The following MYO18B variants were observed in gnomAD, a reference collection of about 807,000 sequenced individuals.
MYO18B encodes the protein unconventional myosin-XVIIIb.
A neutral mutation model predicts 273.0 loss-of-function variants in MYO18B; 204 were observed. The ratio of observed to expected loss-of-function variants is 0.75; its 90% confidence interval spans 0.67 to 0.84. MYO18B has a LOEUF of 0.84. MYO18B is among the 40% of genes least tolerant of loss of function. MYO18B has a pLI of 0.00. For synonymous variants in MYO18B, 1,330 were observed against 1,305.7 expected (o/e 1.02, Z -0.40); for missense variants, 3,212 against 3,287.6 (o/e 0.98, Z 0.56).
chr22:25,772,544 G>T (rs772840063), intron 7 of MYO18B, 34 bp downstream of exon 7: 5 of 1,595,976 alleles, frequency 3.1e-6, no homozygotes, highest in Non-Finnish European at 4.3e-6. Context: ...GGGCTGAGGG[G>T]CTGAGGGCAG....
Position 25,843,738 on chromosome 22 carries a change from C to T in MYO18B, c.3212C>T (p.Ser1071Phe), listed in dbSNP as rs973561962. The change falls in exon 18 of 44, where the codon TCC becomes TTC. Residue 1071 changes from serine to phenylalanine, a missense_variant. Physicochemically the swap from Ser to Phe is radical, Grantham distance 155 (BLOSUM62 -2). Transcript: ENST00000335473. ...FEKKGAGTEG[S>F]SALRTCEQPL... The stretch of plus-strand genomic sequence containing the variant: ...ATGCCACCATGTCTGTTTCCAGGGT[C>T]CTCTGCCCTGCGGACCTGTGAGCAG... The T allele has an allele frequency of 1.2e-6, 2 of 1,612,826 alleles. No individual in the cohort carries two copies. The highest frequency in any genetic ancestry group is 2.7e-5 in the African/African-American group (2 of 75,032).
chr22:25,808,258 C>T (rs754585492), intron 12 of MYO18B, among the ~76,000 whole-genome samples: 40 of 152,282 alleles, frequency 2.6e-4, no homozygotes, highest in Admixed American at 4.6e-4. Flanking sequence ...CAGGAATGAC[C>T]TCTGTTAAAA....
At chr22:25,797,202 T>C (rs2087955976) in intron 11 of MYO18B, among the ~76,000 whole-genome samples, 1 of 152,240 alleles carries the variant, frequency 6.6e-6, no homozygotes, top group Admixed American at 6.5e-5. Context: ...CACTCCAGCC[T>C]GGGCAACAGA....
chr22:25,797,912 C>T (rs375839921), intron 11 of MYO18B, 41 bp from the exon 12 acceptor site: 26 of 1,613,746 alleles, frequency 1.6e-5, no homozygotes, highest in Admixed American at 6.7e-5. Flanking sequence ...TTTTCTCCAT[C>T]GCGATGGCCT....
chr22:26,026,587 T>A lies in MYO18B; in HGVS notation c.6613T>A (p.Phe2205Ile). 6.2e-7 allele frequency: 1 copy of A among 1,613,610 alleles called. No homozygotes were observed. The highest frequency in any genetic ancestry group is 8.5e-7 in the Non-Finnish European group (1 of 1,179,872). ...TGTCCGCCGGCAAAAGTACTGTCAT[T>A]TTGGGGACGGCGAAGTGCTTGCCGT... ...HFVRRQKYCH[F>I]GDGEVLAVQR... The change falls in exon 43 of 44, where the codon TTT becomes ATT. Residue 2205 changes from phenylalanine to isoleucine, a missense_variant. Transcript: ENST00000335473.
rs1218793100 is a variant in MYO18B, at chr22:25,769,168, G to A, written c.1252G>A (p.Ala418Thr). 1 of 1,612,620 alleles carries A rather than the reference G, an allele frequency of 6.2e-7. No homozygotes were observed. The highest frequency in any genetic ancestry group is 2.2e-5 in the East Asian group (1 of 44,842). The change falls in exon 4 of 44, where the codon GCC becomes ACC. Residue 418 changes from alanine (A) to threonine (T), a missense_variant. Transcript: ENST00000335473. ...ARSQTEKGCE[A>T]PKEVSTMVES... The stretch of plus-strand genomic sequence containing the variant: ...GAGTCAGACAGAGAAGGGCTGTGAA[G>A]CCCCAAAGGAGGTGAGCACAATGGT...
chr22:26,004,786 C>T lies in MYO18B; in HGVS notation c.6401C>T (p.Ser2134Phe), dbSNP rs761465245. Residue 2134 changes from serine (S) to phenylalanine (F), a missense_variant, in exon 42 of 44, where the codon TCC becomes TTC. Ser to Phe is a radical substitution (Grantham distance 155). Coordinates refer to ENST00000335473, the MANE Select transcript of MYO18B (RefSeq NM_032608.7). Reference protein sequence around the residue: ...SLQSWLSCTLSLATDTMRTPS... With the variant: ...SLQSWLSCTLFLATDTMRTPS... ...CAGTCCTGGTTGAGCTGTACTCTGT[C>T]CCTGGCCACAGATACTATGAGGACT... is the stretch of plus-strand genomic sequence containing the variant. 6.2e-7 allele frequency: 1 copy of T among 1,613,932 alleles called. No individual in the cohort carries two copies. Among genetic ancestry groups the T allele is most frequent in the South Asian group, 1.1e-5 (1 of 91,062 alleles).
chr22:25,948,205 TCATCCACC>T (rs1423582981), intron 36 of MYO18B, among the ~76,000 whole-genome samples: 4 of 152,154 alleles, frequency 2.6e-5, no homozygotes, highest in South Asian at 2.1e-4. Flanking sequence ...GTCCATCCAA[TCATCCACC>T]CATCCACCCA....
At chr22:25,820,410 A>G (rs1005515202) in intron 12 of MYO18B, among the ~76,000 whole-genome samples, 1 of 152,160 alleles carries the variant, frequency 6.6e-6, no homozygotes, top group Non-Finnish European at 1.5e-5. Flanking sequence ...CAAGCTGTCT[A>G]CTTGAAGAAT....
intron 39 of MYO18B, among the ~76,000 whole-genome samples, chr22:25,978,323 AT>A (rs2093115278): frequency 6.6e-6 from 1 of 152,168 alleles, no homozygotes; most frequent in Non-Finnish European, 1.5e-5. Context: ...CAGAGAAGGG[AT>A]AAGGCAGAGT....
At chr22:25,880,556 A>G (rs2091307505) in intron 25 of MYO18B, among the ~76,000 whole-genome samples, 1 of 152,118 alleles carries the variant, frequency 6.6e-6, no homozygotes, top group South Asian at 2.1e-4. Flanking sequence ...AGCTCTGGGT[A>G]CCTCCAAGGA....
At chr22:25,801,514 G>T (rs570727008) in intron 12 of MYO18B, among the ~76,000 whole-genome samples, 1 of 152,162 alleles carries the variant, frequency 6.6e-6, no homozygotes, top group African/African-American at 2.4e-5. Context: ...TAGGCTTCTC[G>T]TGAGAACTGA....
At chr22:25,761,662 T>C (rs556517206) in intron 2 of MYO18B, among the ~76,000 whole-genome samples, 42 of 152,338 alleles carry the variant, frequency 2.8e-4, no homozygotes, top group Admixed American at 9.1e-4. Context: ...AGATGCCTGT[T>C]ACTTCCTGCA....
the MYO18B span, among the ~76,000 whole-genome samples, chr22:26,038,278 T>C: frequency 6.6e-6 from 1 of 152,204 alleles, no homozygotes; most frequent in African/African-American, 2.4e-5. Context: ...TTTCTTTCTC[T>C]GCAATCCTGA....
At chr22:25,869,573 A>G (rs1008984607) in intron 22 of MYO18B, among the ~76,000 whole-genome samples, 2 of 152,070 alleles carry the variant, frequency 1.3e-5, no homozygotes, top group African/African-American at 4.8e-5. Flanking sequence ...CTAGTTACTT[A>G]CTGGTTGATG....
chr22:26,027,173 G>A lies in MYO18B; in HGVS notation c.7199G>A (p.Gly2400Glu), dbSNP rs761463236. The A allele has an allele frequency of 4.2e-5, 68 of 1,613,850 alleles. No individual in the cohort carries two copies. The highest frequency in any genetic ancestry group is 5.6e-5 in the Non-Finnish European group (66 of 1,179,898). ...SVDDAGCPDL[G>E]KEPLVFQNRQ... The stretch of plus-strand genomic sequence containing the variant: ...GACGATGCGGGCTGTCCAGACCTTG[G>A]AAAGGAGCCGCTTGTTTTCCAGAAC... The change falls in exon 43 of 44, where the codon GGA becomes GAA. Residue 2400 changes from glycine (G) to glutamate (E), a missense_variant. Transcript: ENST00000335473. This position sits in a 1 kb window ranked among gnomAD's most constrained non-coding sequence, Gnocchi z 4.1.
chr22:26,048,329 T>C, the MYO18B span, among the ~76,000 whole-genome samples: 30 of 152,284 alleles, frequency 2.0e-4, no homozygotes, highest in African/African-American at 6.7e-4. Flanking sequence ...TCTAGACCAA[T>C]GTGATAAATG....
chr22:25,902,645 A>G lies in MYO18B; in HGVS notation c.4856A>G (p.Glu1619Gly), dbSNP rs953520991. The G allele has an allele frequency of 1.2e-6, 2 of 1,605,814 alleles. No individual in the cohort carries two copies. The highest frequency in any genetic ancestry group is 1.7e-6 in the Non-Finnish European group (2 of 1,176,258). The change falls in exon 30 of 44, where the codon GAG becomes GGG. Residue 1619 changes from glutamate (E) to glycine (G), a missense_variant. By Grantham distance (98) the Glu-to-Gly change is moderately conservative. Coordinates refer to ENST00000335473, the MANE Select transcript of MYO18B (RefSeq NM_032608.7). ...CTGCAGCTGGCCCAGGCCCTAGGTG[A>G]GTCAGTGTTTGAGAAGGGTCTCCGT... ...FDLQLAQALG[E>G]SVFEKGLREK...
chr22:25,903,147 G>A (rs549861661), intron 30 of MYO18B: 105 of 197,672 alleles, frequency 5.3e-4, no homozygotes, highest in African/African-American at 2.4e-3. Context: ...TCTACTACTC[G>A]CAGGAGAACC....
Sources: allele counts gnomAD v4.1 joint callset (sites outside exome capture counted in the v4.1 genomes callset), GRCh38; gene constraint gnomAD v4.1.1; non-coding constraint Gnocchi (gnomAD v3.1); transcripts MANE v1.5; gene names NCBI Gene and HGNC (gene_info 2026-07-23, HGNC 2026-07-21).